ALPK3: variants seen among roughly 807,000 people sequenced by gnomAD.
The protein encoded by ALPK3 is alpha kinase 3, also known as alpha-protein kinase 3.
ALPK3 carries 102 observed loss-of-function variants against 140.0 expected under a neutral mutation model. The ratio of observed to expected loss-of-function variants is 0.73; its 90% CI spans 0.62 to 0.86. The LOEUF (loss-of-function observed/expected upper bound fraction) is 0.86. Among genes scored for constraint, ALPK3 ranks in the 40% least tolerant of loss-of-function variants. The probability of loss-of-function intolerance (pLI) is 0.00; values close to 1 mark genes in which losing one functional copy is unlikely to be tolerated. For missense variants in ALPK3, 2,254 were observed against 2,208.2 expected, an observed-to-expected ratio of 1.02 and a Z score of -0.42; for synonymous variants, 938 against 898.5, an observed-to-expected ratio of 1.04 and a Z score of -0.79.
intron 5 of ALPK3, among the ~76,000 whole-genome samples, chr15:84,842,864 G>A (rs1222961426): frequency 1.3e-5 from 2 of 152,164 alleles, no homozygotes; most frequent in Non-Finnish European, 2.9e-5. Flanking sequence ...CCCGGGGAAG[G>A]CTTTGTGGGG....
Position 84,840,056 on chromosome 15 carries a change from G to T in ALPK3, c.777G>T (p.Gln259His), listed in dbSNP as rs1194545587. Residue 259 changes from glutamine (Q) to histidine (H), a missense_variant, in exon 5 of 14, where the codon CAG (glutamine) becomes CAT (histidine). Physicochemically the swap from Gln to His is conservative, Grantham distance 24 (BLOSUM62 0). This residue lies in a region of ALPK3 where 2,088 missense variants were observed against 2,022.9 expected (regional missense o/e 1.03). Transcript: ENST00000258888. ...AGGAGGGAGAGACTGAGACTGCTCA[G>T]CACTCAGGTTTGGGCCTGATCAACA... ...AWQEGETETA[Q>H]HSGLGLINSF... 2 of 1,614,144 alleles carry T rather than the reference G, an allele frequency of 1.2e-6. No individual in the cohort carries two copies. The highest frequency in any genetic ancestry group is 2.7e-5 in the African/African-American group (2 of 75,054).
Position 84,840,216 on chromosome 15 carries a change from G to T in ALPK3, c.937G>T (p.Gly313Trp). The T allele has an allele frequency of 6.2e-7, 1 of 1,613,824 alleles. No homozygotes were observed. Among genetic ancestry groups the T allele is most frequent in the Non-Finnish European group, 8.5e-7 (1 of 1,180,016 alleles). Reference sequence around the variant, plus strand: ...TCAGAGAGCCCTCAAAGAGGAGAGTGGGGCCAAGAAGAAAAAGAAAGATGA... The same window carrying T: ...TCAGAGAGCCCTCAAAGAGGAGAGTTGGGCCAAGAAGAAAAAGAAAGATGA... ...GPQRALKEESGAKKKKKDEES... is the reference protein window; with the variant it reads ...GPQRALKEESWAKKKKKDEES... The change falls in exon 5 of 14, where the codon GGG becomes TGG. Residue 313 changes from glycine to tryptophan, a missense_variant. Coordinates refer to ENST00000258888, the MANE Select transcript of ALPK3 (RefSeq NM_020778.5).
At chr15:84,862,941 A>G (rs1963965884) in intron 10 of ALPK3, 26 bp downstream of exon 10, 1 of 1,599,746 alleles carries the variant, frequency 6.3e-7, no homozygotes, top group African/African-American at 1.3e-5. Flanking sequence ...TTCACACCCC[A>G]TTCTTTTATT....
chr15:84,863,807 G>A (rs1307494318), intron 11 of ALPK3, among the ~76,000 whole-genome samples, 167 bp downstream of exon 11: 1 of 152,166 alleles, frequency 6.6e-6, no homozygotes. Context: ...TAGAAATAGA[G>A]ACCTCATTTA....
At position 84,817,416 on chromosome 15, in the gene ALPK3, G is replaced by C; in HGVS notation, c.-37G>C. The C allele has an allele frequency of 4.0e-6, 5 of 1,242,442 alleles. No individual in the cohort carries two copies. The highest frequency in any genetic ancestry group is 5.0e-6 in the Non-Finnish European group (5 of 996,954). 77.0% of individuals were successfully genotyped at this position (1,242,442 alleles called of 1,614,324 possible). ...GGGCCTGGAGGACAGGCGAGGCAGC[G>C]GCGAGTGCGGGGCCGGCGGTCGGGG... On this transcript the variant is annotated 5_prime_UTR_variant, in exon 1 of 14. Transcript: ENST00000258888.
At chr15:84,855,867 C>T (rs1963854675) in intron 5 of ALPK3, among the ~76,000 whole-genome samples, 1 of 152,190 alleles carries the variant, frequency 6.6e-6, no homozygotes, top group Admixed American at 6.5e-5. Flanking sequence ...TTACTTTAAT[C>T]CTCTCTGCTT....
chr15:84,853,490 T>A (rs1963828669), intron 5 of ALPK3, among the ~76,000 whole-genome samples: 1 of 152,178 alleles, frequency 6.6e-6, no homozygotes, highest in South Asian at 2.1e-4. Flanking sequence ...GGCACATGCC[T>A]GTAATCCCAG....
intron 12 of ALPK3, among the ~76,000 whole-genome samples, chr15:84,865,187 C>T (rs912009141): frequency 3.9e-5 from 6 of 152,286 alleles, no homozygotes; most frequent in Admixed American, 3.9e-4. Flanking sequence ...CAGAACTCCC[C>T]AACAAAGGAA....
intron 3 of ALPK3, among the ~76,000 whole-genome samples, chr15:84,829,222 T>C (rs1311773865): frequency 6.6e-6 from 1 of 152,254 alleles, no homozygotes; most frequent in African/African-American, 2.4e-5. Context: ...AGATGTTCTC[T>C]ATTGTCTTCC....
At position 84,863,596 on chromosome 15, in the gene ALPK3, C is replaced by T. The variant is rs549536913; in HGVS notation, c.4455C>T (p.Phe1485=). The T allele has an allele frequency of 1.1e-5, 17 of 1,614,068 alleles. No homozygotes were observed. The highest frequency in any genetic ancestry group is 2.2e-5 in the East Asian group (1 of 44,878). The change falls in exon 11 of 14, where the codon TTC becomes TTT. Residue 1485 remains phenylalanine (F), a synonymous_variant. Transcript: ENST00000258888. ...TGAGTCGGGAGTACTGCAAAATCTT[C>T]GCAGCAGAAGCCCGGGCCGCGCCTG... ...QNMSREYCKI[F]AAEARAAPGF...
Position 84,827,541 on chromosome 15 carries a change from G to C in ALPK3, c.240G>C (p.Glu80Asp). 1 of 1,614,200 alleles carries C rather than the reference G, an allele frequency of 6.2e-7. No homozygotes were observed. Among genetic ancestry groups the C allele is most frequent in the Non-Finnish European group, 8.5e-7 (1 of 1,180,046 alleles). Residue 80 changes from glutamate (E) to aspartate (D), a missense_variant, in exon 3 of 14, where the codon GAG becomes GAC. Physicochemically the swap from Glu to Asp is conservative, Grantham distance 45. Coordinates refer to ENST00000258888, the MANE Select transcript of ALPK3 (RefSeq NM_020778.5). ...QLTEETQPLF[E>D]TTLKSRSVSE... ...CAGAGGAGACCCAGCCGCTATTTGA[G>C]ACCACGCTCAAGTCCCGGTCTGTGT...
intron 1 of ALPK3, among the ~76,000 whole-genome samples, chr15:84,822,450 G>T (rs1302054116): frequency 1.3e-5 from 2 of 152,136 alleles, no homozygotes; most frequent in African/African-American, 4.8e-5. Flanking sequence ...CATTGAACAG[G>T]CTGGGCTGCT....
chr15:84,844,229 A>G (rs1011663563), intron 5 of ALPK3, among the ~76,000 whole-genome samples: 6 of 152,086 alleles, frequency 3.9e-5, no homozygotes, highest in African/African-American at 1.4e-4. Context: ...CTCCATCTCA[A>G]AAAAACCCAA....
At chr15:84,858,700 C>T in intron 6 of ALPK3, 145 bp downstream of exon 6, 1 of 1,285,966 alleles carries the variant, frequency 7.8e-7, no homozygotes, top group South Asian at 1.6e-5. Context: ...GTACCCTTCT[C>T]TCACAGCCTT....
chr15:84,858,318 C>G lies in ALPK3; in HGVS notation c.3580C>G (p.Arg1194Gly). ...EERESPTVSP[R>G]GPRKSLVPGS... ...AAGGGAGAGCCCCACGGTTTCCCCC[C>G]GGGGGCCCAGGAAAAGCCTGGTGCC... The change falls in exon 6 of 14, where the codon CGG (arginine) becomes GGG (glycine). Residue 1194 changes from arginine to glycine, a missense_variant. By Grantham distance (125) the Arg-to-Gly change is moderately radical. Coordinates refer to ENST00000258888, the MANE Select transcript of ALPK3 (RefSeq NM_020778.5). 6.4e-7 allele frequency: 1 copy of G among 1,564,230 alleles called. No individual in the cohort carries two copies. The highest frequency in any genetic ancestry group is 1.2e-5 in the South Asian group (1 of 85,398).
chr15:84,852,337 A>T (rs1963814431), intron 5 of ALPK3, among the ~76,000 whole-genome samples: 1 of 152,208 alleles, frequency 6.6e-6, no homozygotes, highest in Non-Finnish European at 1.5e-5. Context: ...GCTATGCTGC[A>T]CGAAGGGCTG....
At chr15:84,867,835 T>C (rs562284372) in intron 13 of ALPK3, among the ~76,000 whole-genome samples, 1 of 152,200 alleles carries the variant, frequency 6.6e-6, no homozygotes, top group Admixed American at 6.5e-5. Context: ...ACCCTAGCAC[T>C]TTGGGAGGCT....
rs145910927 is a variant in ALPK3, at chr15:84,830,248, C to T, written c.304+2643C>T. 6.4e-4 allele frequency among the ~76,000 whole-genome samples: 96 copies of T among 149,824 alleles called. 1 individual carries two copies. The Middle Eastern group carries it at 0.014, about 22-fold the overall frequency. On this transcript the variant is annotated intron_variant, in intron 3 of 13. Coordinates refer to ENST00000258888, the MANE Select transcript of ALPK3 (RefSeq NM_020778.5). ...TGGAGATATTCCTCTTGGAGCTCTC[C>T]ATTCTTCTTTTATCTGAACTGCTAG...
chr15:84,850,335 T>C (rs1444007693), intron 5 of ALPK3, among the ~76,000 whole-genome samples: 1 of 152,172 alleles, frequency 6.6e-6, no homozygotes, highest in African/African-American at 2.4e-5. Flanking sequence ...CCTTATGTGT[T>C]TGGTACTGTG....
Sources: allele counts gnomAD v4.1 joint callset (sites outside exome capture counted in the v4.1 genomes callset), GRCh38; gene constraint gnomAD v4.1.1; regional missense constraint gnomAD v4.1.1; transcripts MANE v1.5; gene names NCBI Gene and HGNC (gene_info 2026-07-23, HGNC 2026-07-21).